FAM199X: variants seen among roughly 807,000 people sequenced by gnomAD.
FAM199X encodes the protein family with sequence similarity 199, X-linked, also known as protein FAM199X.
FAM199X carries 4 observed loss-of-function variants against 22.9 expected under a neutral mutation model. The observed-to-expected ratio is 0.17, with a 90% CI of 0.09 to 0.40. The LOEUF (loss-of-function observed/expected upper bound fraction) is 0.40, where lower values mean the gene tolerates loss of function less well. Ranked by LOEUF, FAM199X falls within the 10% of genes least tolerant of loss-of-function variation. The pLI, the probability that FAM199X is intolerant of heterozygous loss-of-function variation, is 1.00. For missense variants in FAM199X, 183 were observed against 306.8 expected (o/e 0.60, Z 3.01); for synonymous variants, 101 against 112.3 (o/e 0.90, Z 0.64).
At position 104,194,050 on chromosome X, in the gene FAM199X, T is replaced by C. The variant is rs1409281588; in HGVS notation, c.*4272T>C. On this transcript the variant is annotated 3_prime_UTR_variant, in exon 6 of 6. Coordinates refer to ENST00000493442, the MANE Select transcript of FAM199X (RefSeq NM_207318.4). ...CTGAGTTGACTCACTGAAATTTTAT[T>C]TTCTTATTTTTTTAACATTAAAATT... The C allele has an allele frequency of 3.6e-5, 4 of 111,723 alleles. No homozygotes were observed. The highest frequency in any genetic ancestry group is 7.6e-5 in the Non-Finnish European group (4 of 52,916). 9.2% of individuals were successfully genotyped at this position (111,723 alleles called of 1,213,427 possible).
Position 104,187,739 on chromosome X carries a change from AG to A in FAM199X, c.730-300del, listed in dbSNP as rs781833915. 4.6e-3 allele frequency among the ~76,000 whole-genome samples: 517 copies of A among 111,653 alleles called. 3 individuals are homozygous for A. The highest frequency in any genetic ancestry group is 6.7e-3 in the Non-Finnish European group (358 of 53,115). The stretch of plus-strand genomic sequence containing the variant: ...ATCTCATCTATTTTATTTTATTGTT[AG>A]TTTGTATTTTGAATGCCATTTTTTT... On this transcript the variant is annotated intron_variant, in intron 4 of 5. Coordinates refer to ENST00000493442, the MANE Select transcript of FAM199X (RefSeq NM_207318.4).
chrX:104,176,769 A>G lies in FAM199X; in HGVS notation c.417+927A>G, dbSNP rs369534281. 2.5e-4 allele frequency among the ~76,000 whole-genome samples: 28 copies of G among 111,901 alleles called. 1 individual carries two copies. The highest frequency in any genetic ancestry group is 1.8e-3 in the Admixed American group (19 of 10,521). ...GGCCCTATGCTTTTTTTCAGCTAAC[A>G]CATCTCATTCTTTTCCATAACTGGA... On this transcript the variant is annotated intron_variant, in intron 2 of 5. Transcript: ENST00000493442.
At chrX:104,171,598 T>C (rs1372623341) in intron 1 of FAM199X, among the ~76,000 whole-genome samples, 2 of 112,332 alleles carry the variant, frequency 1.8e-5, no homozygotes, top group Middle Eastern at 4.6e-3. Flanking sequence ...AGACCACTCA[T>C]GATCCTTTTC....
intron 2 of FAM199X, among the ~76,000 whole-genome samples, chrX:104,184,956 A>T (rs1170655468): frequency 9.4e-6 from 1 of 106,639 alleles, no homozygotes; most frequent in Admixed American, 1.0e-4. Context: ...TTTTTTTTTT[A>T]ATAGAGATGA....
At chrX:104,182,758 A>G (rs1921694335) in intron 2 of FAM199X, among the ~76,000 whole-genome samples, 1 of 111,527 alleles carries the variant, frequency 9.0e-6, no homozygotes, top group East Asian at 2.8e-4. Flanking sequence ...TCTCTGAGGG[A>G]TTGTGCTGCT....
rs1318176389 is a variant in FAM199X, at chrX:104,190,228, A to G, written c.*450A>G. The G allele has an allele frequency of 8.8e-6, 1 of 113,142 alleles. No individual in the cohort carries two copies. The highest frequency in any genetic ancestry group is 3.2e-5 in the African/African-American group (1 of 30,800). 9.3% of individuals were successfully genotyped at this position (113,142 alleles called of 1,213,427 possible). A position where few individuals can be genotyped will look rare whatever the true frequency, so the allele number is the denominator to read the frequency against. On this transcript the variant is annotated 3_prime_UTR_variant, in exon 6 of 6. Transcript: ENST00000493442. ...CAGTATACATACATGTGTAGAGATCATAATTTAGTTCCCTTCTTAATGTTA... is the reference window on the plus strand; with the variant it reads ...CAGTATACATACATGTGTAGAGATCGTAATTTAGTTCCCTTCTTAATGTTA...
rs1253700339 is a variant in FAM199X, at chrX:104,193,952, C to T, written c.*4174C>T. On this transcript the variant is annotated 3_prime_UTR_variant, in exon 6 of 6. Transcript: ENST00000493442. ...GAAAATAAGTTACTTATTCCAGAAG[C>T]CTTAGAAGGAATTCTGAAAATTCTT... 15 of 111,408 alleles carry T rather than the reference C, an allele frequency of 1.3e-4. No homozygotes were observed. The highest frequency in any genetic ancestry group is 1.2e-3 in the Admixed American group (13 of 10,456). The allele number at this position is 111,408 out of a possible 1,213,427, so 9.2% of individuals were successfully genotyped here.
At chrX:104,169,899 G>A (rs1262954496) in intron 1 of FAM199X, among the ~76,000 whole-genome samples, 3 of 112,053 alleles carry the variant, frequency 2.7e-5, no homozygotes, top group Non-Finnish European at 5.6e-5. Flanking sequence ...TTGTGATGTA[G>A]GTTGGTATGT....
chrX:104,183,077 G>A (rs782191934), intron 2 of FAM199X, among the ~76,000 whole-genome samples: 19 of 110,787 alleles, frequency 1.7e-4, no homozygotes, highest in African/African-American at 5.2e-4. Context: ...CCCAACAAAC[G>A]CATAAAGAGA....
intron 1 of FAM199X, 126 bp from the exon 2 acceptor site, chrX:104,175,497 G>T (rs1921465583): frequency 2.0e-6 from 1 of 510,615 alleles, no homozygotes; most frequent in Non-Finnish European, 3.1e-6. Context: ...AAAGGTAGGG[G>T]CTCTTTTAAA....
In FAM199X at chrX:104,190,239, C is replaced by T. The variant is rs1279688196; in HGVS notation, c.*461C>T. The T allele has an allele frequency of 1.8e-5, 2 of 111,951 alleles. No homozygotes were observed. The highest frequency in any genetic ancestry group is 6.5e-5 in the African/African-American group (2 of 30,544). The allele number at this position is 111,951 out of a possible 1,213,427, so 9.2% of individuals were successfully genotyped here. A position where few individuals can be genotyped will look rare whatever the true frequency, so the allele number is the denominator to read the frequency against. On this transcript the variant is annotated 3_prime_UTR_variant, in exon 6 of 6. Transcript: ENST00000493442. Reference sequence around the variant, plus strand: ...CATGTGTAGAGATCATAATTTAGTTCCCTTCTTAATGTTACAATTTCTTAG... The same window carrying T: ...CATGTGTAGAGATCATAATTTAGTTTCCTTCTTAATGTTACAATTTCTTAG...
chrX:104,181,855 A>C (rs1318582924), intron 2 of FAM199X, among the ~76,000 whole-genome samples: 2 of 111,426 alleles, frequency 1.8e-5, no homozygotes, highest in East Asian at 5.6e-4. Context: ...TGAGGTCTTT[A>C]AGTGTATCAC....
intron 2 of FAM199X, among the ~76,000 whole-genome samples, chrX:104,179,149 T>C (rs1556377206): frequency 1.8e-5 from 2 of 111,712 alleles, no homozygotes; most frequent in African/African-American, 6.5e-5. Flanking sequence ...ATATGAATTT[T>C]AGGATCAGGT....
chrX:104,164,391 T>A (rs1175811610), upstream of FAM199X, among the ~76,000 whole-genome samples: 1 of 112,453 alleles, frequency 8.9e-6, no homozygotes, highest in African/African-American at 3.2e-5. Flanking sequence ...CTTATGCTAA[T>A]TCATTGTGAA....
intron 2 of FAM199X, among the ~76,000 whole-genome samples, chrX:104,185,361 G>C (rs1921773752): frequency 9.0e-6 from 1 of 110,862 alleles, no homozygotes; most frequent in South Asian, 3.8e-4. Flanking sequence ...GGAGACCAGT[G>C]CTTCTTTTTC....
chrX:104,185,470 G>A (rs1556378876), intron 2 of FAM199X, among the ~76,000 whole-genome samples: 2 of 111,512 alleles, frequency 1.8e-5, no homozygotes, highest in African/African-American at 6.5e-5. Flanking sequence ...TTGATTATGA[G>A]TCTAAGCTTT....
intron 2 of FAM199X, among the ~76,000 whole-genome samples, chrX:104,182,027 G>A (rs146033656): frequency 1.7e-3 from 154 of 88,828 alleles, no homozygotes; most frequent in African/African-American, 6.6e-3. Context: ...TTACTCTGTC[G>A]TCCACGCTGG....
intron 1 of FAM199X, among the ~76,000 whole-genome samples, chrX:104,170,657 AG>A (rs1297545459): frequency 1.8e-5 from 2 of 111,666 alleles, no homozygotes; most frequent in Admixed American, 9.5e-5. Flanking sequence ...GCCACAGGAA[AG>A]GGAGAAATTG....
intron 2 of FAM199X, among the ~76,000 whole-genome samples, chrX:104,185,806 T>C (rs1921788675): frequency 9.0e-6 from 1 of 110,915 alleles, no homozygotes; most frequent in Admixed American, 9.6e-5. Flanking sequence ...GGTTTCACCA[T>C]GTTGGCCAGG....
Sources: allele counts gnomAD v4.1 joint callset (sites outside exome capture counted in the v4.1 genomes callset), GRCh38; gene constraint gnomAD v4.1.1; transcripts MANE v1.5; gene names NCBI Gene and HGNC (gene_info 2026-07-23, HGNC 2026-07-21).